Variants in CACNA1D observed in about 807,000 individuals in gnomAD.
CACNA1D encodes the protein voltage-dependent L-type calcium channel subunit alpha-1D.
A neutral mutation model predicts 257.1 loss-of-function variants in CACNA1D; 55 were observed. The ratio of observed to expected loss-of-function variants is 0.21; its 90% CI spans 0.17 to 0.27. The LOEUF (loss-of-function observed/expected upper bound fraction) is 0.27, where lower values mean the gene tolerates loss of function less well. CACNA1D is among the 10% of genes least tolerant of loss of function. CACNA1D has a pLI of 1.00. For missense variants in CACNA1D, 1,876 were observed against 2,784.0 expected, an observed-to-expected ratio of 0.67 and a Z score of 7.34; for synonymous variants, 980 against 1,014.9, an observed-to-expected ratio of 0.97 and a Z score of 0.65.
chr3:53,513,545 A>C (rs1175550943), intron 3 of CACNA1D, among the ~76,000 whole-genome samples: 1 of 152,166 alleles, frequency 6.6e-6, no homozygotes, highest in African/African-American at 2.4e-5. Context: ...GAGGTGGGAG[A>C]ATCACTTGAG....
chr3:53,771,562 G>A (rs942361380), intron 32 of CACNA1D, among the ~76,000 whole-genome samples: 2 of 152,206 alleles, frequency 1.3e-5, no homozygotes, highest in Non-Finnish European at 2.9e-5. Flanking sequence ...TTGGAGGAAG[G>A]TAAAGTGGGG....
chr3:53,610,805 C>T (rs2093573910), intron 3 of CACNA1D, among the ~76,000 whole-genome samples: 1 of 152,064 alleles, frequency 6.6e-6, no homozygotes, highest in African/African-American at 2.4e-5. Flanking sequence ...TATGTGTCTT[C>T]TCTGTATACG....
chr3:53,670,323 A>T (rs1208429136), intron 7 of CACNA1D, among the ~76,000 whole-genome samples: 7 of 152,178 alleles, frequency 4.6e-5, no homozygotes, highest in Admixed American at 4.6e-4. Flanking sequence ...AGACATGAAT[A>T]TGCATTTCAA....
In CACNA1D at chr3:53,762,453, C is replaced by T. The variant is rs577996432; in HGVS notation, c.3870+372C>T. On this transcript the variant is annotated intron_variant, in intron 30 of 47. Transcript: ENST00000350061. ...GGATGTTTCAAGTCGCCGTGTGGCG[C>T]GATGCTAGAATGTTCCCCTTTTGTA... is the stretch of plus-strand genomic sequence containing the variant. 56 of 430,496 alleles carry T rather than the reference C, an allele frequency of 1.3e-4. No homozygotes were observed. The East Asian group carries it at 3.2e-3, about 25-fold the overall frequency. 26.7% of individuals were successfully genotyped at this position (430,496 alleles called of 1,614,324 possible). A position where few individuals can be genotyped will look rare whatever the true frequency, so the allele number is the denominator to read the frequency against.
intron 29 of CACNA1D, among the ~76,000 whole-genome samples, chr3:53,761,764 GTA>G (rs1320118400): frequency 1.3e-5 from 2 of 151,612 alleles, no homozygotes; most frequent in Non-Finnish European, 2.9e-5. Flanking sequence ...GTGTGTGTGT[GTA>G]TGCACACGTG....
chr3:53,673,097 A>G lies in CACNA1D; in HGVS notation c.1191A>G (p.Val397=). ...VSLVIFGSFF[V]LNLVLGVLSG... The stretch of plus-strand genomic sequence containing the variant: ...TCGTCATCTTTGGGTCATTTTTCGT[A>G]CTAAATCTTGTACTTGGTGTATTGA... Residue 397 remains valine (V), a synonymous_variant, in exon 8 of 48, where the codon GTA becomes GTG. Transcript: ENST00000350061. The surrounding 1 kb of genome is among the most constrained non-coding windows in gnomAD (Gnocchi z 4.1). The G allele has an allele frequency of 6.4e-7, 1 of 1,551,720 alleles. No individual in the cohort carries two copies. Among genetic ancestry groups the G allele is most frequent in the Non-Finnish European group, 8.7e-7 (1 of 1,146,884 alleles).
At chr3:53,639,676 G>A (rs1329979157) in intron 3 of CACNA1D, among the ~76,000 whole-genome samples, 4 of 151,732 alleles carry the variant, frequency 2.6e-5, no homozygotes, top group Non-Finnish European at 5.9e-5. Flanking sequence ...GTGAGCCACC[G>A]CGCCCGGCTG....
intron 29 of CACNA1D, among the ~76,000 whole-genome samples, chr3:53,760,759 T>C (rs2095296732): frequency 6.6e-6 from 1 of 152,214 alleles, no homozygotes; most frequent in East Asian, 1.9e-4. Context: ...TGTTGCAAGA[T>C]AGCAGGACCT....
At chr3:53,737,172 C>T (rs774765786) in intron 20 of CACNA1D, among the ~76,000 whole-genome samples, 37 of 151,518 alleles carry the variant, frequency 2.4e-4, no homozygotes, top group Non-Finnish European at 1.0e-4. Context: ...TGGTGGTGCA[C>T]GCCTGTAGTC....
At chr3:53,705,700 T>C (rs949497496) in intron 9 of CACNA1D, among the ~76,000 whole-genome samples, 2 of 152,316 alleles carry the variant, frequency 1.3e-5, no homozygotes, top group Admixed American at 1.3e-4. Context: ...ATCTTGGCTG[T>C]GGAGGCCATG....
intron 8 of CACNA1D, among the ~76,000 whole-genome samples, chr3:53,680,648 C>G (rs1184806661): frequency 1.3e-5 from 2 of 152,180 alleles, no homozygotes; most frequent in African/African-American, 2.4e-5. Flanking sequence ...AAAGCTGTTG[C>G]TACCTTAATA....
intron 3 of CACNA1D, among the ~76,000 whole-genome samples, chr3:53,649,943 T>G (rs769185432): frequency 6.6e-6 from 1 of 152,220 alleles, no homozygotes; most frequent in Admixed American, 6.5e-5. Context: ...CTGATTGGTA[T>G]GTTTTCCACA....
chr3:53,810,042 G>C lies in CACNA1D; in HGVS notation c.5936G>C (p.Arg1979Pro), dbSNP rs143354476. The part of the protein sequence containing the change: ...AQKYSPSHST[R>P]SWATPPATPP... ...AAGTACTCACCGAGTCACTCGACCC[G>C]GTCGTGGGCCACCCCTCCAGCAACC... is the stretch of plus-strand genomic sequence containing the variant. The change falls in exon 47 of 48, where the codon CGG (arginine) becomes CCG (proline). Residue 1979 changes from arginine (R) to proline (P), a missense_variant. Arg to Pro is a moderately radical substitution (Grantham distance 103, BLOSUM62 -2). Transcript: ENST00000350061. 1.4e-4 allele frequency: 229 copies of C among 1,613,764 alleles called. 1 individual carries two copies. The highest frequency in any genetic ancestry group is 1.5e-4 in the Non-Finnish European group (174 of 1,180,010).
chr3:53,767,578 A>C (rs1192820176), intron 30 of CACNA1D, among the ~76,000 whole-genome samples: 1 of 151,686 alleles, frequency 6.6e-6, no homozygotes, highest in Non-Finnish European at 1.5e-5. Context: ...AAAAAAAAAA[A>C]AAACAACAAA....
rs1235951958 is a variant in CACNA1D, at chr3:53,737,814, ACT to A, written c.2751+2314_2751+2315del. ...TTCCAGCCTCTGCGACAAGAGCAAA[ACT>A]CTGTCTCAAAAAAACATACAAACAA... On this transcript the variant is annotated intron_variant, in intron 20 of 47. Coordinates refer to ENST00000350061, the MANE Select transcript of CACNA1D (RefSeq NM_001128840.3). Among the ~76,000 whole-genome samples, 4 of 152,216 alleles carry A rather than the reference ACT, an allele frequency of 2.6e-5. No homozygotes were observed. In the East Asian group the frequency reaches 7.7e-4, roughly 29 times the overall value.
chr3:53,666,089 C>T (rs141406154), intron 6 of CACNA1D, among the ~76,000 whole-genome samples: 1 of 150,058 alleles, frequency 6.7e-6, no homozygotes, highest in Non-Finnish European at 1.5e-5. Flanking sequence ...ATTGTGCTAT[C>T]TAAGCCTAAG....
chr3:53,684,123 G>A (rs563840731), intron 8 of CACNA1D, among the ~76,000 whole-genome samples: 1 of 152,276 alleles, frequency 6.6e-6, no homozygotes, highest in African/African-American at 2.4e-5. Flanking sequence ...AGGGCAATGG[G>A]TGACATCTTC....
At chr3:53,689,073 G>A (rs144158711) in intron 8 of CACNA1D, among the ~76,000 whole-genome samples, 166 of 152,290 alleles carry the variant, frequency 1.1e-3, no homozygotes, top group South Asian at 2.5e-3. Context: ...CGTCAAACCT[G>A]TACCTATCAG....
At chr3:53,564,240 A>G (rs1327154955) in intron 3 of CACNA1D, among the ~76,000 whole-genome samples, 1 of 151,964 alleles carries the variant, frequency 6.6e-6, no homozygotes, top group East Asian at 1.9e-4. Context: ...AGCTCATTTC[A>G]ACCACTGCCT....
Sources: allele counts gnomAD v4.1 joint callset (sites outside exome capture counted in the v4.1 genomes callset), GRCh38; gene constraint gnomAD v4.1.1; non-coding constraint Gnocchi (gnomAD v3.1); transcripts MANE v1.5; gene names NCBI Gene and HGNC (gene_info 2026-07-23, HGNC 2026-07-21).